PDHX: variants seen among roughly 807,000 people sequenced by gnomAD.
PDHX encodes the protein pyruvate dehydrogenase protein X component, mitochondrial.
A neutral mutation model predicts 55.3 loss-of-function variants in PDHX; 33 were observed. The observed-to-expected ratio is 0.60, with a 90% confidence interval of 0.45 to 0.80. The LOEUF (loss-of-function observed/expected upper bound fraction) is 0.80, where lower values mean the gene tolerates loss of function less well. Among genes scored for constraint, PDHX ranks in the 30% least tolerant of loss-of-function variants. The pLI is 0.00. For synonymous variants in PDHX, 226 were observed against 219.4 expected, an observed-to-expected ratio of 1.03 and a Z score of -0.27; for missense variants, 622 against 619.9, an observed-to-expected ratio of 1.00 and a Z score of -0.04.
chr11:34,995,003 G>A lies in PDHX; in HGVS notation c.1337G>A (p.Arg446Gln), dbSNP rs368909312. ...QACILAVGRF[R>Q]PVLKLTEDEE... ...TGCATTTTGGCGGTTGGGAGGTTCC[G>A]ACCTGTGCTGAAGCTCACTGAGGAT... Residue 446 changes from arginine to glutamine, a missense_variant, in exon 11 of 11, where the codon CGA becomes CAA. Physicochemically the swap from Arg to Gln is conservative, Grantham distance 43. Transcript: ENST00000227868. 19 of 1,613,998 alleles carry A rather than the reference G, an allele frequency of 1.2e-5. No individual in the cohort carries two copies. The East Asian group carries it at 1.8e-4, about 15-fold the overall frequency.
chr11:34,965,974 A>C (rs770791571), intron 5 of PDHX, among the ~76,000 whole-genome samples: 28 of 152,210 alleles, frequency 1.8e-4, no homozygotes, highest in Non-Finnish European at 3.2e-4. Flanking sequence ...GGCTTAGCAT[A>C]TTTAGTAATC....
At chr11:34,929,708 A>G (rs1171953806) in intron 1 of PDHX, among the ~76,000 whole-genome samples, 1 of 152,216 alleles carries the variant, frequency 6.6e-6, no homozygotes, top group African/African-American at 2.4e-5. Context: ...AGAGTTTAGC[A>G]TGAAGATTCG....
intron 4 of PDHX, among the ~76,000 whole-genome samples, chr11:34,960,033 C>A (rs778160519): frequency 6.6e-6 from 1 of 152,094 alleles, no homozygotes; most frequent in Non-Finnish European, 1.5e-5. Context: ...CCTAAAAATG[C>A]TTAAAATGAT....
intron 8 of PDHX, among the ~76,000 whole-genome samples, chr11:34,983,300 A>G (rs187894699): frequency 1.9e-3 from 284 of 152,306 alleles, no homozygotes; most frequent in African/African-American, 6.0e-3. Context: ...ATTTTTGACA[A>G]ACCCACAGCT....
intron 9 of PDHX, among the ~76,000 whole-genome samples, chr11:34,991,627 G>A (rs1316642546): frequency 6.6e-6 from 1 of 152,032 alleles, no homozygotes; most frequent in East Asian, 1.9e-4. Flanking sequence ...CACACAGATT[G>A]GCCAGGCATG....
chr11:34,917,237 C>CAGAG (rs1223485111), intron 1 of PDHX, among the ~76,000 whole-genome samples: 2 of 152,144 alleles, frequency 1.3e-5, no homozygotes, highest in Non-Finnish European at 2.9e-5. Context: ...ATTCTCTAGG[C>CAGAG]CTCTCTCTGT....
chr11:34,972,287 A>C lies in PDHX; in HGVS notation c.964+2001A>C, dbSNP rs1363532016. Among the ~76,000 whole-genome samples, 4 of 151,194 alleles carry C rather than the reference A, an allele frequency of 2.6e-5. No individual in the cohort carries two copies. The East Asian group carries it at 7.7e-4, about 29-fold the overall frequency. On this transcript the variant is annotated intron_variant, in intron 7 of 10. Coordinates refer to ENST00000227868, the MANE Select transcript of PDHX (RefSeq NM_003477.3). ...TTTGCTCTTTTATTTCTAGTTTCTT[A>C]AGGTGAAAAGTTGGATCATTTATTT...
chr11:34,921,132 T>C (rs1853868792), intron 1 of PDHX, among the ~76,000 whole-genome samples: 1 of 152,252 alleles, frequency 6.6e-6, no homozygotes, highest in Non-Finnish European at 1.5e-5. Flanking sequence ...ACATGTAGAA[T>C]AGCTCTAGTA....
intron 3 of PDHX, among the ~76,000 whole-genome samples, chr11:34,956,130 T>G (rs967996928): frequency 6.6e-6 from 1 of 152,132 alleles, no homozygotes; most frequent in Non-Finnish European, 1.5e-5. Flanking sequence ...CAACTAGATT[T>G]TTCTTGGCTT....
At chr11:34,936,230 G>A (rs1304452875) in intron 2 of PDHX, among the ~76,000 whole-genome samples, 2 of 152,152 alleles carry the variant, frequency 1.3e-5, no homozygotes, top group Non-Finnish European at 2.9e-5. Context: ...GAGGTATGGT[G>A]CAGTGAGGTT....
At chr11:34,987,387 C>T (rs554689325) in intron 9 of PDHX, among the ~76,000 whole-genome samples, 4 of 152,212 alleles carry the variant, frequency 2.6e-5, no homozygotes, top group African/African-American at 9.6e-5. Context: ...AATAAGGGGA[C>T]ATTGAAGCAC....
At chr11:34,922,862 C>CGT (rs1853920697) in intron 1 of PDHX, among the ~76,000 whole-genome samples, 1 of 104,166 alleles carries the variant, frequency 9.6e-6, no homozygotes, top group Non-Finnish European at 1.9e-5. Flanking sequence ...CCCAAAGTAT[C>CGT]GTTGTGTGTG....
chr11:34,955,916 T>A (rs1483046262), intron 3 of PDHX, among the ~76,000 whole-genome samples: 1 of 152,178 alleles, frequency 6.6e-6, no homozygotes. Context: ...TTCATGTCAC[T>A]TAACAGTGCT....
intron 1 of PDHX, among the ~76,000 whole-genome samples, chr11:34,930,358 G>T (rs950558944): frequency 1.3e-5 from 2 of 152,212 alleles, no homozygotes; most frequent in African/African-American, 4.8e-5. Context: ...TGAAAATGCA[G>T]TACAAGTTAT....
chr11:34,926,315 G>A (rs571540042), intron 1 of PDHX, among the ~76,000 whole-genome samples: 54 of 152,230 alleles, frequency 3.5e-4, no homozygotes, highest in African/African-American at 1.0e-3. Context: ...AATTTTGAAG[G>A]CTCCGTTTTA....
intron 8 of PDHX, among the ~76,000 whole-genome samples, chr11:34,983,055 C>T (rs1419741495): frequency 6.6e-6 from 1 of 152,204 alleles, no homozygotes; most frequent in Non-Finnish European, 1.5e-5. Flanking sequence ...TCCAGCAGCA[C>T]ATCAAAAAGC....
chr11:34,977,871 C>G, intron 7 of PDHX: 3 of 533,048 alleles, frequency 5.6e-6, no homozygotes, highest in East Asian at 4.6e-5. Flanking sequence ...TGTATGATAT[C>G]TAAGCAATTT....
chr11:34,990,786 G>T (rs1274108194), intron 9 of PDHX, among the ~76,000 whole-genome samples: 1 of 152,030 alleles, frequency 6.6e-6, no homozygotes, highest in Admixed American at 6.6e-5. Flanking sequence ...GTTTCTGTTG[G>T]CAGTACGTTA....
intron 10 of PDHX, among the ~76,000 whole-genome samples, chr11:34,994,478 A>C (rs562046198): frequency 7.9e-5 from 12 of 152,354 alleles, no homozygotes; most frequent in Admixed American, 2.6e-4. Flanking sequence ...TGTAGACTTT[A>C]TAAACACTGC....
Sources: gnomAD v4.1 joint callset for allele counts (sites outside exome capture counted in the v4.1 genomes callset) on GRCh38, gnomAD v4.1.1 for gene constraint, MANE v1.5 for transcripts, NCBI Gene and HGNC (gene_info 2026-07-23, HGNC 2026-07-21) for gene names.